NPFFR2: variants seen among roughly 807,000 people sequenced by gnomAD.
The protein encoded by NPFFR2 is G-protein coupled receptor 74.
In NPFFR2, 15 loss-of-function variants were observed where a neutral mutation model predicts 13.1. The observed-to-expected ratio is 1.15, with a 90% CI of 0.77 to 1.76. The LOEUF (loss-of-function observed/expected upper bound fraction) is 1.76, where lower values mean the gene tolerates loss of function less well. Among genes scored for constraint, NPFFR2 ranks in the 40% most tolerant of loss-of-function variants. The pLI, the probability that NPFFR2 is intolerant of heterozygous loss-of-function variation, is 0.00. For missense variants in NPFFR2, 572 were observed against 503.5 expected (o/e 1.14, Z -1.30); for synonymous variants, 190 against 175.7 (o/e 1.08, Z -0.65).
At chr4:72,097,691 A>C (rs1013056635) in intron 1 of NPFFR2, among the ~76,000 whole-genome samples, 2 of 152,156 alleles carry the variant, frequency 1.3e-5, no homozygotes, top group Admixed American at 1.3e-4. Flanking sequence ...ACTACACCCA[A>C]GTCCAGGGTG....
At chr4:72,065,963 CAT>C (rs1474622794) in intron 1 of NPFFR2, among the ~76,000 whole-genome samples, 2 of 152,186 alleles carry the variant, frequency 1.3e-5, no homozygotes, top group Non-Finnish European at 2.9e-5. Flanking sequence ...TATTTTGCCT[CAT>C]ATATTATGCA....
intron 2 of NPFFR2, among the ~76,000 whole-genome samples, chr4:72,132,141 T>C (rs375474138): frequency 6.6e-6 from 1 of 152,054 alleles, no homozygotes; most frequent in Non-Finnish European, 1.5e-5. Context: ...TTTTTTTTTT[T>C]TCCTGAGTCT....
intron 1 of NPFFR2, among the ~76,000 whole-genome samples, chr4:72,108,826 C>A (rs1560413670): frequency 6.6e-6 from 1 of 151,938 alleles, no homozygotes; most frequent in Non-Finnish European, 1.5e-5. Flanking sequence ...GATGGAGACA[C>A]TTAATTGAAC....
intron 1 of NPFFR2, among the ~76,000 whole-genome samples, chr4:72,064,905 A>G (rs1354251112): frequency 9.2e-5 from 14 of 152,068 alleles, no homozygotes; most frequent in Admixed American, 9.2e-4. Context: ...CGTGGTGGAG[A>G]CTTGTTTCTT....
intron 1 of NPFFR2, among the ~76,000 whole-genome samples, chr4:72,090,173 A>G (rs1006969798): frequency 1.3e-5 from 2 of 152,060 alleles, no homozygotes; most frequent in Non-Finnish European, 2.9e-5. Context: ...ATTCTGTTCC[A>G]TTGGTCTATT....
intron 3 of NPFFR2, among the ~76,000 whole-genome samples, chr4:72,145,324 A>T (rs1279436672): frequency 2.0e-5 from 3 of 149,702 alleles, no homozygotes; most frequent in Non-Finnish European, 3.0e-5. Context: ...ATATATAAAT[A>T]CATATATGTA....
intron 3 of NPFFR2, among the ~76,000 whole-genome samples, chr4:72,145,653 A>G (rs1244825465): frequency 3.3e-5 from 5 of 152,310 alleles, no homozygotes; most frequent in African/African-American, 1.2e-4. Flanking sequence ...TGAAGGAGTT[A>G]TAAAGAATGA....
At chr4:72,045,178 T>A (rs1289162814) in intron 1 of NPFFR2, among the ~76,000 whole-genome samples, 1 of 152,168 alleles carries the variant, frequency 6.6e-6, no homozygotes, top group African/African-American at 2.4e-5. Context: ...AGTCCCTTTG[T>A]CAAAAATCAG....
intron 1 of NPFFR2, among the ~76,000 whole-genome samples, chr4:72,122,421 C>T (rs1382240604): frequency 6.6e-6 from 1 of 152,158 alleles, no homozygotes; most frequent in African/African-American, 2.4e-5. Flanking sequence ...ATCTACAGAA[C>T]TCTCCAGCCC....
chr4:72,094,430 C>T (rs1275036717), intron 1 of NPFFR2, among the ~76,000 whole-genome samples: 1 of 152,162 alleles, frequency 6.6e-6, no homozygotes. Flanking sequence ...AGACTATGTC[C>T]TTTGTCTTCA....
intron 1 of NPFFR2, among the ~76,000 whole-genome samples, chr4:72,036,691 G>A (rs1719048630): frequency 6.6e-6 from 1 of 151,056 alleles, no homozygotes; most frequent in Admixed American, 6.6e-5. Flanking sequence ...AATCCACAAT[G>A]CCATTTTGCA....
intron 2 of NPFFR2, among the ~76,000 whole-genome samples, chr4:72,133,423 G>T (rs1408509837): frequency 6.6e-6 from 1 of 152,120 alleles, no homozygotes; most frequent in Non-Finnish European, 1.5e-5. Context: ...TTGTGGTATA[G>T]TTTGAAGTTG....
In NPFFR2 at chr4:72,127,355, C is replaced by CTTT. The variant is rs1341571145; in HGVS notation, c.-7-1228_-7-1226dup. On this transcript the variant is annotated intron_variant, in intron 1 of 3. Transcript: ENST00000308744. ...AAGTCATACAGATTCTAAATAATTT[C>CTTT]TTTTCTTTTTTTTTTTTTTTTTTTT... 6.8e-4 allele frequency among the ~76,000 whole-genome samples: 62 copies of CTTT among 91,198 alleles called. 8 individuals are homozygous for CTTT. Among genetic ancestry groups the CTTT allele is most frequent in the African/African-American group, 2.8e-3 (60 of 21,714 alleles). 59.8% of individuals were successfully genotyped at this position (91,198 alleles called of 152,430 possible).
At chr4:72,048,315 A>T (rs1578421124) in intron 1 of NPFFR2, among the ~76,000 whole-genome samples, 1 of 152,258 alleles carries the variant, frequency 6.6e-6, no homozygotes, top group East Asian at 1.9e-4. Context: ...AGAATAAGTT[A>T]TCTCTAGAAG....
At chr4:72,095,947 A>G (rs1721059879) in intron 1 of NPFFR2, among the ~76,000 whole-genome samples, 1 of 152,088 alleles carries the variant, frequency 6.6e-6, no homozygotes, top group African/African-American at 2.4e-5. Flanking sequence ...TGTCATTTCT[A>G]CCTGATGTCT....
chr4:72,095,261 G>A (rs1417435508), intron 1 of NPFFR2, among the ~76,000 whole-genome samples: 3 of 152,174 alleles, frequency 2.0e-5, no homozygotes, highest in African/African-American at 7.2e-5. Context: ...GAACTGGCTT[G>A]TACTGGCTTC....
At chr4:72,070,480 A>G (rs1183501698) in intron 1 of NPFFR2, among the ~76,000 whole-genome samples, 1 of 151,094 alleles carries the variant, frequency 6.6e-6, no homozygotes, top group African/African-American at 2.4e-5. Context: ...TATCAATAAT[A>G]CGGGTGGCAT....
chr4:72,089,804 G>A (rs1001621979), intron 1 of NPFFR2, among the ~76,000 whole-genome samples: 1 of 152,040 alleles, frequency 6.6e-6, no homozygotes, highest in African/African-American at 2.4e-5. Context: ...CTTTGGCTGT[G>A]CAGAAGTTTT....
chr4:72,121,636 A>T (rs1434861104), intron 1 of NPFFR2, among the ~76,000 whole-genome samples: 1 of 152,236 alleles, frequency 6.6e-6, no homozygotes, highest in African/African-American at 2.4e-5. Flanking sequence ...CCAGAATTTC[A>T]TATCTAGCCA....
Sources: allele counts gnomAD v4.1 joint callset (sites outside exome capture counted in the v4.1 genomes callset), GRCh38; gene constraint gnomAD v4.1.1; transcripts MANE v1.5; gene names NCBI Gene and HGNC (gene_info 2026-07-23, HGNC 2026-07-21).